Variants in FSHR observed in about 807,000 individuals in gnomAD.
FSHR encodes the protein follicle stimulating hormone receptor.
A neutral mutation model predicts 52.1 loss-of-function variants in FSHR; 46 were observed. The observed-to-expected ratio is 0.88, with a 90% CI of 0.70 to 1.13. The LOEUF is 1.13. Among genes scored for constraint, FSHR ranks in the 50% most tolerant of loss-of-function variants. FSHR has a pLI of 0.00. For synonymous variants in FSHR, 399 were observed against 309.6 expected (o/e 1.29, Z -3.03); for missense variants, 964 against 834.6 (o/e 1.16, Z -1.91).
At chr2:49,034,080 A>G (rs1668195241) in intron 2 of FSHR, among the ~76,000 whole-genome samples, 1 of 152,168 alleles carries the variant, frequency 6.6e-6, no homozygotes, top group Admixed American at 6.5e-5. Context: ...GCTATCAGGG[A>G]GCATTTGTGT....
rs1181755118 is a variant in FSHR at position 49,082,361 on chromosome 2, A to G, written c.153-14071T>C. On this transcript the variant is annotated intron_variant, in intron 1 of 9. Coordinates refer to ENST00000406846, the MANE Select transcript of FSHR (RefSeq NM_000145.4). ...ACCCATCTGTACATCACCATCATCA[A>G]AGACCAAAAGTAGATAAAACCACAA... Among the ~76,000 whole-genome samples, 7 of 152,202 alleles carry G rather than the reference A, an allele frequency of 4.6e-5. No individual in the cohort carries two copies. In the South Asian group the frequency reaches 6.2e-4, roughly 14 times the overall value.
chr2:49,049,405 A>C (rs116369296), intron 2 of FSHR, among the ~76,000 whole-genome samples: 554 of 152,270 alleles, frequency 3.6e-3, no homozygotes, highest in Non-Finnish European at 5.9e-3. Flanking sequence ...AAATGCCTTG[A>C]GTAACCTCTG....
intron 6 of FSHR, among the ~76,000 whole-genome samples, 199 bp from the exon 7 acceptor site, chr2:48,983,365 T>C (rs908506216): frequency 1.3e-5 from 2 of 152,190 alleles, no homozygotes; most frequent in African/African-American, 2.4e-5. Context: ...GAAGTTTGTA[T>C]TACTTGCATG....
intron 1 of FSHR, among the ~76,000 whole-genome samples, chr2:49,095,986 A>T (rs983190399): frequency 6.6e-6 from 1 of 152,310 alleles, no homozygotes; most frequent in East Asian, 1.9e-4. Flanking sequence ...ATGAGGATGA[A>T]GATAAATTGG....
intron 2 of FSHR, among the ~76,000 whole-genome samples, chr2:49,063,812 G>A (rs1215993242): frequency 6.6e-6 from 1 of 152,062 alleles, no homozygotes; most frequent in Non-Finnish European, 1.5e-5. Context: ...CAAATATGTA[G>A]AAGAGCAGAT....
intron 1 of FSHR, among the ~76,000 whole-genome samples, chr2:49,105,356 G>T (rs1258209188): frequency 2.0e-5 from 3 of 152,056 alleles, no homozygotes; most frequent in Non-Finnish European, 4.4e-5. Context: ...ACCACCTGCT[G>T]CCTCACCAGT....
chr2:49,082,341 T>C (rs1670204409), intron 1 of FSHR, among the ~76,000 whole-genome samples: 4 of 151,942 alleles, frequency 2.6e-5, no homozygotes, highest in Admixed American at 2.6e-4. Context: ...CAAAAACCCA[T>C]CTGTACATCA....
At chr2:49,015,264 G>T (rs1318906738) in intron 4 of FSHR, among the ~76,000 whole-genome samples, 1 of 152,016 alleles carries the variant, frequency 6.6e-6, no homozygotes, top group Non-Finnish European at 1.5e-5. Context: ...AAATGCAAAG[G>T]CATGCTCCAA....
intron 2 of FSHR, among the ~76,000 whole-genome samples, chr2:49,051,542 ATTTTTTACTTC>A (rs1332266865): frequency 1.3e-5 from 2 of 151,808 alleles, no homozygotes; most frequent in Non-Finnish European, 2.9e-5. Flanking sequence ...GTGTCTACTT[ATTTTTTACTTC>A]TTTATATATA....
At chr2:48,984,236 A>T (rs1350247344) in intron 6 of FSHR, among the ~76,000 whole-genome samples, 1 of 152,176 alleles carries the variant, frequency 6.6e-6, no homozygotes, top group Non-Finnish European at 1.5e-5. Flanking sequence ...AAATCCAGAA[A>T]GGGGCGAGGC....
chr2:49,072,376 C>G (rs1374752494), intron 1 of FSHR, among the ~76,000 whole-genome samples: 1 of 152,006 alleles, frequency 6.6e-6, no homozygotes, highest in Non-Finnish European at 1.5e-5. Flanking sequence ...AGGTAAATTG[C>G]TACCTCTAGC....
chr2:49,119,524 T>G (rs892746557), intron 1 of FSHR, among the ~76,000 whole-genome samples: 9 of 152,190 alleles, frequency 5.9e-5, no homozygotes, highest in Admixed American at 3.3e-4. Flanking sequence ...AAAATTTTTT[T>G]CTTTCCTTTT....
At chr2:48,966,459 G>T (rs562747015) in intron 9 of FSHR, among the ~76,000 whole-genome samples, 28 of 152,330 alleles carry the variant, frequency 1.8e-4, no homozygotes, top group African/African-American at 6.7e-4. Flanking sequence ...AATGACAAAT[G>T]AAGACTGTAG....
intron 4 of FSHR, among the ~76,000 whole-genome samples, chr2:48,991,728 A>T (rs1486014969): frequency 6.6e-6 from 1 of 152,202 alleles, no homozygotes; most frequent in Admixed American, 6.5e-5. Flanking sequence ...GCACATACGA[A>T]TTATTGGACG....
intron 1 of FSHR, among the ~76,000 whole-genome samples, chr2:49,114,074 C>T (rs148695715): frequency 6.6e-6 from 1 of 152,144 alleles, no homozygotes; most frequent in South Asian, 2.1e-4. Context: ...TACTCCCAGC[C>T]TCTCTCACTG....
intron 2 of FSHR, among the ~76,000 whole-genome samples, chr2:49,067,674 G>C (rs7568381): frequency 0.4 from 60,840 of 151,826 alleles, 12,722 homozygotes; most frequent in East Asian, 0.54. Context: ...TTAGACTAGC[G>C]CAATGTGAAC....
intron 1 of FSHR, among the ~76,000 whole-genome samples, chr2:49,086,179 A>T (rs570714970): frequency 3.3e-5 from 5 of 152,300 alleles, no homozygotes; most frequent in African/African-American, 1.2e-4. Context: ...AAAACTACAA[A>T]TGATTGGCCC....
chr2:49,054,046 T>C (rs1668965157), intron 2 of FSHR, among the ~76,000 whole-genome samples: 1 of 152,202 alleles, frequency 6.6e-6, no homozygotes, highest in African/African-American at 2.4e-5. Flanking sequence ...CAGATTAGTC[T>C]AGTTCCATGT....
At chr2:49,025,833 G>C (rs2104240226) in intron 2 of FSHR, among the ~76,000 whole-genome samples, 1 of 152,326 alleles carries the variant, frequency 6.6e-6, no homozygotes, top group Non-Finnish European at 1.5e-5. Flanking sequence ...TAGTGAGATT[G>C]GCTATCTGGT....
Sources: gnomAD v4.1 joint callset for allele counts (sites outside exome capture counted in the v4.1 genomes callset) on GRCh38, gnomAD v4.1.1 for gene constraint, MANE v1.5 for transcripts, NCBI Gene and HGNC (gene_info 2026-07-23, HGNC 2026-07-21) for gene names.